Variants in SV2C observed in about 807,000 individuals in gnomAD.
The protein encoded by SV2C is synaptic vesicle glycoprotein 2C, also known as solute carrier family 22 member B3.
A neutral mutation model predicts 79.7 loss-of-function variants in SV2C; 49 were observed. That is an observed-to-expected ratio of 0.61 (90% CI 0.49 to 0.78). The LOEUF (loss-of-function observed/expected upper bound fraction) is 0.78. SV2C is among the 30% of genes least tolerant of loss of function. SV2C has a pLI of 0.00. For missense variants in SV2C, 833 were observed against 912.9 expected (o/e 0.91, Z 1.13); for synonymous variants, 334 against 333.2 (o/e 1.00, Z -0.03).
chr5:76,072,602 C>T, the SV2C span, among the ~76,000 whole-genome samples: 1 of 152,094 alleles, frequency 6.6e-6, no homozygotes, highest in Non-Finnish European at 1.5e-5. Context: ...AGAGAAACTT[C>T]TTTTTCTCTG....
chr5:76,037,922 A>G, the SV2C span, among the ~76,000 whole-genome samples: 1 of 152,250 alleles, frequency 6.6e-6, no homozygotes, highest in Non-Finnish European at 1.5e-5. Context: ...CCTCCAAGCC[A>G]GGTGCCGGAT....
At chr5:75,872,957 A>T in the SV2C span, among the ~76,000 whole-genome samples, 3 of 152,108 alleles carry the variant, frequency 2.0e-5, no homozygotes, top group Non-Finnish European at 4.4e-5. Flanking sequence ...TCATTTAAAA[A>T]GTAGAAAAAC....
intron 12 of SV2C, 89 bp from the exon 13 acceptor site, chr5:76,325,275 G>T: frequency 7.4e-7 from 1 of 1,348,802 alleles, no homozygotes. Context: ...TCTGAGGGAA[G>T]ATCATTGAAA....
At chr5:76,089,890 G>A (rs1747314845) in intron 1 of SV2C, among the ~76,000 whole-genome samples, 1 of 152,176 alleles carries the variant, frequency 6.6e-6, no homozygotes, top group African/African-American at 2.4e-5. Context: ...TGCATGTAGA[G>A]ACAGCATAAG....
intron 1 of SV2C, among the ~76,000 whole-genome samples, chr5:76,119,740 A>C (rs1008731514): frequency 1.3e-5 from 2 of 152,248 alleles, no homozygotes; most frequent in African/African-American, 2.4e-5. Context: ...AAAACAAAAC[A>C]AAAAAACAGC....
At chr5:75,906,828 C>A in the SV2C span, among the ~76,000 whole-genome samples, 2,514 of 152,162 alleles carry the variant, frequency 0.017, 36 homozygotes, top group African/African-American at 0.043. Flanking sequence ...TTGCACCCCA[C>A]CCCCATGGAA....
chr5:76,071,652 A>C, the SV2C span, among the ~76,000 whole-genome samples: 1 of 152,222 alleles, frequency 6.6e-6, no homozygotes, highest in African/African-American at 2.4e-5. Flanking sequence ...CAATACCTTT[A>C]GATCATGCTA....
Position 76,285,460 on chromosome 5 carries a change from A to G in SV2C, c.1047+165A>G, listed in dbSNP as rs77811638. The G allele has an allele frequency of 1.1e-3, 1,139 of 1,020,470 alleles. 6 individuals are homozygous for G. In the African/African-American group the frequency reaches 0.015, roughly 14 times the overall value. 63.2% of individuals were successfully genotyped at this position (1,020,470 alleles called of 1,614,324 possible). ...TGGAGACCTGCTTTCAACAACCAAC[A>G]TGTAAAAAAGCTGCCTCATGGCTAG... On this transcript the variant is annotated intron_variant, in intron 5 of 12. Coordinates refer to ENST00000502798, the MANE Select transcript of SV2C (RefSeq NM_014979.4).
chr5:75,929,251 C>T, the SV2C span, among the ~76,000 whole-genome samples: 1 of 152,002 alleles, frequency 6.6e-6, no homozygotes, highest in South Asian at 2.1e-4. Context: ...TCTCCCTGTG[C>T]CCAGCCTGTC....
At chr5:76,272,251 T>TC (rs1746895107) in intron 4 of SV2C, among the ~76,000 whole-genome samples, 1 of 152,092 alleles carries the variant, frequency 6.6e-6, no homozygotes. Context: ...CTGTAATCTC[T>TC]CCCCCTTGCC....
chr5:76,264,397 G>A (rs1436755051), intron 4 of SV2C, among the ~76,000 whole-genome samples: 2 of 151,968 alleles, frequency 1.3e-5, no homozygotes, highest in Non-Finnish European at 2.9e-5. Flanking sequence ...TAGCTCAGAG[G>A]AGTTTGTTAT....
intron 12 of SV2C, among the ~76,000 whole-genome samples, chr5:76,303,232 A>G (rs1748070379): frequency 1.3e-5 from 2 of 152,206 alleles, no homozygotes; most frequent in African/African-American, 4.8e-5. Flanking sequence ...TCCTTCATTC[A>G]TTCAACAAAT....
chr5:76,103,166 G>A (rs1747798697), intron 1 of SV2C, among the ~76,000 whole-genome samples: 1 of 152,108 alleles, frequency 6.6e-6, no homozygotes, highest in African/African-American at 2.4e-5. Context: ...GGTCTCTAAA[G>A]TTGTAGCACC....
the SV2C span, among the ~76,000 whole-genome samples, chr5:75,882,306 G>A: frequency 2.0e-5 from 3 of 151,446 alleles, no homozygotes; most frequent in South Asian, 6.2e-4. Context: ...AATCAATATT[G>A]TGAAAATGGC....
chr5:75,910,176 C>A, the SV2C span: 3 of 346,850 alleles, frequency 8.6e-6, no homozygotes, highest in Non-Finnish European at 1.1e-5. Flanking sequence ...GTGGTTCAAG[C>A]CTGTAATCCC....
In SV2C at chr5:76,341,270, G is replaced by A. The variant is rs138852894; in HGVS notation, c.2001-11860G>A. On this transcript the variant is annotated intron_variant, in intron 12 of 12. Coordinates refer to the SV2C transcript ENST00000322285. ...ATTATATGACCAGCCACACATGGTG[G>A]CTCACACCTGTAATCCCAAAACTCT... Among the ~76,000 whole-genome samples the A allele has an allele frequency of 7.7e-3, 1,179 of 152,156 alleles. 17 individuals carry two copies. The highest frequency in any genetic ancestry group is 0.027 in the African/African-American group (1,134 of 41,522).
At chr5:76,017,640 G>C in the SV2C span, among the ~76,000 whole-genome samples, 78 of 152,262 alleles carry the variant, frequency 5.1e-4, no homozygotes, top group Non-Finnish European at 1.0e-3. Flanking sequence ...GTGTAGGTTA[G>C]CATTTCTTCT....
intron 1 of SV2C, among the ~76,000 whole-genome samples, chr5:76,092,793 A>T (rs1747423723): frequency 6.6e-6 from 1 of 151,926 alleles, no homozygotes; most frequent in Non-Finnish European, 1.5e-5. Flanking sequence ...ACACATATTT[A>T]TCTGTGGAAA....
chr5:75,862,002 G>T, the SV2C span, among the ~76,000 whole-genome samples: 1 of 152,130 alleles, frequency 6.6e-6, no homozygotes, highest in Non-Finnish European at 1.5e-5. Flanking sequence ...AAGAGAGTGG[G>T]ATTGAATAAT....
Sources: gnomAD v4.1 joint callset for allele counts (sites outside exome capture counted in the v4.1 genomes callset) on GRCh38, gnomAD v4.1.1 for gene constraint, MANE v1.5 for transcripts, NCBI Gene and HGNC (gene_info 2026-07-23, HGNC 2026-07-21) for gene names.